Variants in CNTN5 observed in about 807,000 individuals in gnomAD.
The protein encoded by CNTN5 is contactin 5, also known as contactin-5.
Under a neutral mutation model 129.1 loss-of-function variants are expected in CNTN5, and 77 were observed. That is an observed-to-expected ratio of 0.60 (90% CI 0.50 to 0.72). CNTN5 has a LOEUF of 0.72. Among genes scored for constraint, CNTN5 ranks in the 30% least tolerant of loss-of-function variants. The pLI is 0.00. For synonymous variants in CNTN5, 509 were observed against 465.6 expected (o/e 1.09, Z -1.20); for missense variants, 1,478 against 1,328.8 (o/e 1.11, Z -1.75).
intron 2 of CNTN5, among the ~76,000 whole-genome samples, chr11:99,449,447 A>G (rs1944209014): frequency 6.6e-6 from 1 of 152,356 alleles, no homozygotes; most frequent in East Asian, 1.9e-4. Context: ...ATTACTCACA[A>G]TATTTAAAAT....
intron 1 of CNTN5, among the ~76,000 whole-genome samples, chr11:99,247,306 C>T (rs904130653): frequency 5.9e-5 from 9 of 151,994 alleles, no homozygotes; most frequent in Admixed American, 3.9e-4. Flanking sequence ...GTATGTAAAA[C>T]TGATTTTTGG....
chr11:99,628,912 TA>T (rs1392680891), intron 3 of CNTN5, among the ~76,000 whole-genome samples: 1 of 152,074 alleles, frequency 6.6e-6, no homozygotes, highest in East Asian at 1.9e-4. Context: ...AATTTGCTGT[TA>T]AGATAATTGA....
intron 21 of CNTN5, among the ~76,000 whole-genome samples, chr11:100,338,123 G>C (rs1014460137): frequency 6.6e-6 from 1 of 152,194 alleles, no homozygotes; most frequent in African/African-American, 2.4e-5. Flanking sequence ...AGAAAATGTG[G>C]CTAATTACTG....
At chr11:99,675,013 GGTTTTGTTTTGTTTT>G (rs141283660) in intron 3 of CNTN5, among the ~76,000 whole-genome samples, 12 of 149,468 alleles carry the variant, frequency 8.0e-5, no homozygotes, top group African/African-American at 2.7e-4. Context: ...GCATTTTTCT[GGTTTTGTTTTGTTTT>G]GTTTTGTTTT....
rs564845712 is a variant in CNTN5, at chr11:99,141,141, T to C, written c.-210+119871T>C. Among the ~76,000 whole-genome samples the C allele has an allele frequency of 1.8e-3, 268 of 152,262 alleles. 2 individuals carry two copies. Among genetic ancestry groups the C allele is most frequent in the African/African-American group, 6.2e-3 (256 of 41,556 alleles). On this transcript the variant is annotated intron_variant, in intron 1 of 24. Coordinates refer to ENST00000524871, the MANE Select transcript of CNTN5 (RefSeq NM_014361.4). Reference sequence around the variant, plus strand: ...CTGGTCCAGGATGTTTACTGGTTGGTAGTTTTTTTTATGATTAATTCAGTT... The same window carrying C: ...CTGGTCCAGGATGTTTACTGGTTGGCAGTTTTTTTTATGATTAATTCAGTT...
intron 6 of CNTN5, among the ~76,000 whole-genome samples, chr11:99,895,366 A>T (rs780764347): frequency 5.9e-5 from 9 of 152,220 alleles, no homozygotes; most frequent in African/African-American, 1.2e-4. Flanking sequence ...CTGGTGGCAA[A>T]TGTCAAATGA....
At chr11:99,163,310 A>G (rs1224652825) in intron 1 of CNTN5, among the ~76,000 whole-genome samples, 1 of 152,140 alleles carries the variant, frequency 6.6e-6, no homozygotes, top group Non-Finnish European at 1.5e-5. Flanking sequence ...ACAAAACAAA[A>G]CAAAAAGTTT....
chr11:100,255,260 T>TA (rs1275707937), intron 16 of CNTN5, among the ~76,000 whole-genome samples: 8 of 152,218 alleles, frequency 5.3e-5, no homozygotes, highest in African/African-American at 1.9e-4. Flanking sequence ...CCTCCCCTGT[T>TA]AGAGTCTAAG....
intron 1 of CNTN5, among the ~76,000 whole-genome samples, chr11:99,064,306 G>C (rs976518450): frequency 2.6e-5 from 4 of 152,156 alleles, no homozygotes; most frequent in Non-Finnish European, 5.9e-5. Context: ...GCATGGGCAT[G>C]ATTTGCCAAT....
intron 8 of CNTN5, among the ~76,000 whole-genome samples, chr11:99,986,245 T>C (rs2137386233): frequency 6.6e-6 from 1 of 152,298 alleles, no homozygotes; most frequent in South Asian, 2.1e-4. Context: ...CTCTTGATCA[T>C]GTAATACTCA....
At chr11:100,057,211 T>TTA (rs1039818510) in intron 9 of CNTN5, among the ~76,000 whole-genome samples, 1 of 147,990 alleles carries the variant, frequency 6.8e-6, no homozygotes, top group Non-Finnish European at 1.5e-5. Context: ...AATATATACA[T>TTA]TATATATAAA....
At chr11:100,273,727 A>G (rs1950450715) in intron 18 of CNTN5, among the ~76,000 whole-genome samples, 1 of 152,160 alleles carries the variant, frequency 6.6e-6, no homozygotes. Flanking sequence ...GTCCCCAGGG[A>G]GACAGGCACC....
At chr11:99,876,663 A>G (rs1948640516) in intron 6 of CNTN5, among the ~76,000 whole-genome samples, 1 of 152,226 alleles carries the variant, frequency 6.6e-6, no homozygotes, top group South Asian at 2.1e-4. Flanking sequence ...ATAACATAGT[A>G]TAAAAATTAG....
chr11:99,800,030 T>C (rs994282765), intron 3 of CNTN5, among the ~76,000 whole-genome samples: 2 of 152,048 alleles, frequency 1.3e-5, no homozygotes, highest in African/African-American at 4.8e-5. Context: ...TAGTTCTTGT[T>C]ATTCTAGTTC....
At chr11:99,579,299 A>G (rs1949484075) in intron 3 of CNTN5, among the ~76,000 whole-genome samples, 1 of 150,478 alleles carries the variant, frequency 6.6e-6, no homozygotes, top group Non-Finnish European at 1.5e-5. Context: ...CTTAGGATTG[A>G]CTTGGCGATG....
At chr11:99,728,810 T>C (rs1052238102) in intron 3 of CNTN5, among the ~76,000 whole-genome samples, 18 of 152,092 alleles carry the variant, frequency 1.2e-4, no homozygotes, top group African/African-American at 4.3e-4. Context: ...CAGTCAGCAG[T>C]CACTGGTCAC....
At chr11:100,341,608 C>CA (rs1219772291) in intron 23 of CNTN5, among the ~76,000 whole-genome samples, 4 of 151,124 alleles carry the variant, frequency 2.6e-5, no homozygotes, top group Non-Finnish European at 4.4e-5. Flanking sequence ...AACAGAAGAA[C>CA]AAAAAAAATG....
At chr11:99,664,916 ATGT>A (rs1952728667) in intron 3 of CNTN5, among the ~76,000 whole-genome samples, 1 of 152,182 alleles carries the variant, frequency 6.6e-6, no homozygotes, top group Non-Finnish European at 1.5e-5. Flanking sequence ...GGAATGCCAA[ATGT>A]TGTGTCTAAC....
intron 6 of CNTN5, among the ~76,000 whole-genome samples, chr11:99,913,121 G>GCACATA (rs1305383806): frequency 6.6e-6 from 1 of 151,884 alleles, no homozygotes; most frequent in African/African-American, 2.4e-5. Flanking sequence ...CACTGAACCT[G>GCACATA]CACATACATC....
Sources: gnomAD v4.1 joint callset for allele counts (sites outside exome capture counted in the v4.1 genomes callset) on GRCh38, gnomAD v4.1.1 for gene constraint, MANE v1.5 for transcripts, NCBI Gene and HGNC (gene_info 2026-07-23, HGNC 2026-07-21) for gene names.